The following DIP2B variants were observed in gnomAD, a reference collection of about 807,000 sequenced individuals.
DIP2B encodes the protein disco-interacting protein 2 homolog B.
In DIP2B, 76 loss-of-function variants were observed where a neutral mutation model predicts 198.0. The ratio of observed to expected loss-of-function variants is 0.38; its 90% confidence interval spans 0.32 to 0.46. DIP2B has a LOEUF of 0.46. Ranked by LOEUF, DIP2B falls within the 20% of genes least tolerant of loss-of-function variation. The pLI is 0.99. For missense variants in DIP2B, 1,559 were observed against 1,978.4 expected, an observed-to-expected ratio of 0.79 and a Z score of 4.02; for synonymous variants, 701 against 739.1, an observed-to-expected ratio of 0.95 and a Z score of 0.84.
chr12:50,519,180 G>A (rs1958093148), intron 1 of DIP2B, among the ~76,000 whole-genome samples: 1 of 152,110 alleles, frequency 6.6e-6, no homozygotes, highest in Non-Finnish European at 1.5e-5. Flanking sequence ...GGAACTAAAG[G>A]GGTTAACACT....
intron 27 of DIP2B, 38 bp downstream of exon 27, chr12:50,723,361 T>A (rs1292230028): frequency 6.2e-7 from 1 of 1,608,916 alleles, no homozygotes; most frequent in South Asian, 1.1e-5. Context: ...CCTCATCTCC[T>A]AAAATCCAGA....
At chr12:50,662,216 A>T (rs905189849) in intron 4 of DIP2B, among the ~76,000 whole-genome samples, 3 of 152,176 alleles carry the variant, frequency 2.0e-5, no homozygotes, top group Admixed American at 6.5e-5. Flanking sequence ...AGAGTAATAA[A>T]AAGGTTCTGT....
chr12:50,542,172 C>T (rs765381494), intron 1 of DIP2B, among the ~76,000 whole-genome samples: 46 of 146,240 alleles, frequency 3.1e-4, no homozygotes, highest in Admixed American at 7.0e-4. Flanking sequence ...GGCGTGAACC[C>T]GGGAGGCAGA....
chr12:50,567,673 G>T (rs1220199808), intron 1 of DIP2B, among the ~76,000 whole-genome samples: 1 of 151,974 alleles, frequency 6.6e-6, no homozygotes, highest in South Asian at 2.1e-4. Flanking sequence ...GATTACAGGC[G>T]CCCGCCACCA....
At chr12:50,579,611 CAAAAAAAAAAAAAAA>C (rs1160480924) in intron 1 of DIP2B, among the ~76,000 whole-genome samples, 395 of 6,756 alleles carry the variant, frequency 0.058, 3 homozygotes, top group East Asian at 0.13. Context: ...GACTCCGTCT[CAAAAAAAAAAAAAAA>C]AAAAAAAAAA....
At chr12:50,731,340 G>T in intron 30 of DIP2B, 29 bp from the exon 31 acceptor site, 3 of 1,603,468 alleles carry the variant, frequency 1.9e-6, no homozygotes, top group Non-Finnish European at 2.6e-6. Context: ...ATGAATTGAT[G>T]ATTCCAGCTC....
At chr12:50,614,886 A>G (rs1429137817) in intron 1 of DIP2B, among the ~76,000 whole-genome samples, 1 of 152,136 alleles carries the variant, frequency 6.6e-6, no homozygotes, top group Non-Finnish European at 1.5e-5. Context: ...TTCCCTGTCC[A>G]TCTTTGGTTT....
intron 1 of DIP2B, among the ~76,000 whole-genome samples, chr12:50,558,524 C>T (rs1372066304): frequency 6.6e-6 from 1 of 152,178 alleles, no homozygotes; most frequent in Non-Finnish European, 1.5e-5. Context: ...GTTTGCAGCA[C>T]TGTATTTCTG....
intron 3 of DIP2B, among the ~76,000 whole-genome samples, chr12:50,659,703 T>C (rs534370614): frequency 9.1e-4 from 138 of 152,310 alleles, no homozygotes; most frequent in African/African-American, 3.2e-3. Context: ...AATAAATCCT[T>C]CTCTTCCTGT....
intron 2 of DIP2B, among the ~76,000 whole-genome samples, chr12:50,634,147 A>G (rs1938115816): frequency 6.6e-6 from 1 of 152,218 alleles, no homozygotes; most frequent in Non-Finnish European, 1.5e-5. Flanking sequence ...TACTGTGGCC[A>G]AGTATAAAGC....
chr12:50,735,448 TTTTTTTGTTTTTTTG>T (rs1477003600), intron 34 of DIP2B, among the ~76,000 whole-genome samples: 5 of 125,432 alleles, frequency 4.0e-5, no homozygotes, highest in African/African-American at 1.3e-4. Context: ...TTTTCATGGT[TTTTTTTGTTTTTTTG>T]TTTTTTGTTT....
intron 2 of DIP2B, among the ~76,000 whole-genome samples, chr12:50,630,336 G>T (rs1443355073): frequency 6.6e-6 from 1 of 151,952 alleles, no homozygotes; most frequent in Non-Finnish European, 1.5e-5. Context: ...GCTTTATGTT[G>T]CTTGTCTCCC....
chr12:50,619,121 G>T (rs1937755863), intron 1 of DIP2B, among the ~76,000 whole-genome samples: 1 of 152,096 alleles, frequency 6.6e-6, no homozygotes, highest in African/African-American at 2.4e-5. Context: ...TTCCACTGGG[G>T]CAGAAAGTTT....
intron 1 of DIP2B, among the ~76,000 whole-genome samples, chr12:50,534,135 A>G (rs1281738943): frequency 6.6e-6 from 1 of 152,196 alleles, no homozygotes; most frequent in African/African-American, 2.4e-5. Flanking sequence ...TTAGGCATGT[A>G]TTCTGGGGAA....
intron 3 of DIP2B, among the ~76,000 whole-genome samples, chr12:50,647,259 A>T (rs1593684195): frequency 6.6e-6 from 1 of 151,034 alleles, no homozygotes; most frequent in East Asian, 1.9e-4. Context: ...CATGTTGCCT[A>T]AGCTGGAGTT....
intron 1 of DIP2B, among the ~76,000 whole-genome samples, chr12:50,524,758 T>C (rs947689071): frequency 1.3e-5 from 2 of 151,984 alleles, no homozygotes; most frequent in African/African-American, 4.8e-5. Context: ...TTTATTGTTA[T>C]TTTTTTTGAG....
At chr12:50,577,860 T>C (rs1176369184) in intron 1 of DIP2B, among the ~76,000 whole-genome samples, 2 of 152,172 alleles carry the variant, frequency 1.3e-5, no homozygotes, top group Non-Finnish European at 1.5e-5. Flanking sequence ...TACAGCATTT[T>C]AATAGTCTTA....
chr12:50,713,859 A>G (rs1382105836), intron 22 of DIP2B, among the ~76,000 whole-genome samples: 1 of 152,182 alleles, frequency 6.6e-6, no homozygotes, highest in Non-Finnish European at 1.5e-5. Flanking sequence ...ACTTGAGGCC[A>G]TGAGTTCAAG....
In DIP2B at chr12:50,675,373, C is replaced by G. The variant is rs1938928636; in HGVS notation, c.841C>G (p.Leu281Val). ...SRVSTKIQQL[L>V]NTLKRPKRPP... Reference sequence around the variant, plus strand: ...AGTATCTACAAAAATCCAGCAGCTTCTGAACACTCTGAAACGACCCAAAAG... The same window carrying G: ...AGTATCTACAAAAATCCAGCAGCTTGTGAACACTCTGAAACGACCCAAAAG... Residue 281 changes from leucine (L) to valine (V), a missense_variant, in exon 7 of 38, where the codon CTG becomes GTG. Leu to Val is a conservative substitution (Grantham distance 32). Coordinates refer to ENST00000301180, the MANE Select transcript of DIP2B (RefSeq NM_173602.3). The G allele has an allele frequency of 1.2e-6, 2 of 1,613,826 alleles. No homozygotes were observed. Among genetic ancestry groups the G allele is most frequent in the African/African-American group, 1.3e-5 (1 of 75,024 alleles).
Sources: gnomAD v4.1 joint callset for allele counts (sites outside exome capture counted in the v4.1 genomes callset) on GRCh38, gnomAD v4.1.1 for gene constraint, MANE v1.5 for transcripts, NCBI Gene and HGNC (gene_info 2026-07-23, HGNC 2026-07-21) for gene names.